IQCJ: variants seen among roughly 807,000 people sequenced by gnomAD.
IQCJ encodes IQ domain-containing protein J.
IQCJ carries 9 observed loss-of-function variants against 11.0 expected under a neutral mutation model. That is an observed-to-expected ratio of 0.82 (90% CI 0.49 to 1.43). The LOEUF is 1.43. Among genes scored for constraint, IQCJ ranks in the 40% most tolerant of loss-of-function variants. The pLI, the probability that IQCJ is intolerant of heterozygous loss-of-function variation, is 0.00. For missense variants in IQCJ, 146 were observed against 133.2 expected (o/e 1.10, Z -0.47); for synonymous variants, 55 against 51.3 (o/e 1.07, Z -0.31).
At chr3:159,144,193 A>G (rs1032228971) in intron 1 of IQCJ, among the ~76,000 whole-genome samples, 7 of 152,200 alleles carry the variant, frequency 4.6e-5, no homozygotes, top group Non-Finnish European at 8.8e-5. Context: ...AGGGAAATTG[A>G]TGTTCTGATA....
intron 1 of IQCJ, among the ~76,000 whole-genome samples, chr3:159,110,727 A>G (rs1200365051): frequency 2.0e-5 from 3 of 152,122 alleles, no homozygotes; most frequent in Non-Finnish European, 4.4e-5. Flanking sequence ...TACTCAATTG[A>G]ATTTCTAACA....
intron 1 of IQCJ, among the ~76,000 whole-genome samples, chr3:159,113,929 C>T (rs6785766): frequency 0.7 from 106,425 of 152,134 alleles, 37,296 homozygotes; most frequent in Admixed American, 0.73. Flanking sequence ...TGCAAATATT[C>T]GAGAACATCA....
rs560747668 is a variant in IQCJ at position 159,119,552 on chromosome 3, A to G, written c.9+50111A>G. 9.2e-5 allele frequency among the ~76,000 whole-genome samples: 14 copies of G among 152,344 alleles called. No homozygotes were observed. The South Asian group carries it at 2.9e-3, about 32-fold the overall frequency. On this transcript the variant is annotated intron_variant, in intron 1 of 3. Transcript: ENST00000397832. ...TGAAGATGTTTACTAGTAAAACATC[A>G]GAAAAAAACATTCCATGAAGTAGTA... is the stretch of plus-strand genomic sequence containing the variant.
chr3:159,161,969 C>T (rs1477125910), intron 1 of IQCJ, among the ~76,000 whole-genome samples: 1 of 152,180 alleles, frequency 6.6e-6, no homozygotes, highest in Non-Finnish European at 1.5e-5. Flanking sequence ...TAGCGTGATG[C>T]CTCCAGCTTT....
At chr3:159,227,903 G>T (rs986192544) in intron 1 of IQCJ, among the ~76,000 whole-genome samples, 7 of 152,180 alleles carry the variant, frequency 4.6e-5, no homozygotes, top group African/African-American at 7.2e-5. Context: ...AAGAGATAGG[G>T]GTAAAGAATG....
At chr3:159,259,429 G>A (rs1728081945) in intron 3 of IQCJ, among the ~76,000 whole-genome samples, 1 of 152,064 alleles carries the variant, frequency 6.6e-6, no homozygotes, top group Admixed American at 6.6e-5. Flanking sequence ...AAAAAAAAAT[G>A]TCAAGGTAGT....
At position 159,262,621 on chromosome 3, in the gene IQCJ, G is replaced by T; in HGVS notation, c.229G>T (p.Val77Phe). The T allele has an allele frequency of 5.6e-6, 9 of 1,613,976 alleles. No individual in the cohort carries two copies. The highest frequency in any genetic ancestry group is 7.6e-6 in the Non-Finnish European group (9 of 1,179,874). The change falls in exon 4 of 4, where the codon GTC becomes TTC. Residue 77 changes from valine (V) to phenylalanine (F), a missense_variant. Transcript: ENST00000397832. The part of the protein sequence containing the change: ...LGKRSPSPPS[V>F]SSEKLSSSVS... ...GAAGAGGAGCCCGTCCCCACCCTCT[G>T]TCTCCTCAGAGAAGCTGAGCAGCTC... is the stretch of plus-strand genomic sequence containing the variant.
chr3:159,265,365 C>T, downstream of IQCJ: 1 of 1,613,528 alleles, frequency 6.2e-7, no homozygotes, highest in Non-Finnish European at 8.5e-7. Context: ...TCTCAAGGAG[C>T]CCCAGATAGA....
intron 1 of IQCJ, among the ~76,000 whole-genome samples, chr3:159,221,763 G>A (rs1725560881): frequency 6.6e-6 from 1 of 151,694 alleles, no homozygotes; most frequent in South Asian, 2.1e-4. Flanking sequence ...TTCCAATATG[G>A]TGGGCTTAAC....
chr3:159,071,574 C>A (rs866622241), intron 1 of IQCJ, among the ~76,000 whole-genome samples: 17 of 152,090 alleles, frequency 1.1e-4, no homozygotes, highest in African/African-American at 4.1e-4. Context: ...TTACAAAATA[C>A]CCTCACTTTA....
intron 1 of IQCJ, among the ~76,000 whole-genome samples, chr3:159,224,744 G>A (rs1040206004): frequency 6.6e-6 from 1 of 151,604 alleles, no homozygotes; most frequent in Non-Finnish European, 1.5e-5. Flanking sequence ...CATACACTCA[G>A]TAAAATCCAG....
intron 1 of IQCJ, among the ~76,000 whole-genome samples, chr3:159,136,871 T>C (rs1720319253): frequency 6.6e-6 from 1 of 152,196 alleles, no homozygotes; most frequent in African/African-American, 2.4e-5. Flanking sequence ...ATTGTTACCT[T>C]CAAAGTATCT....
chr3:159,089,418 G>T (rs1406700764), intron 1 of IQCJ, among the ~76,000 whole-genome samples: 1 of 151,914 alleles, frequency 6.6e-6, no homozygotes, highest in Non-Finnish European at 1.5e-5. Flanking sequence ...TCTTCTCGAG[G>T]AGTATCTTTG....
intron 1 of IQCJ, among the ~76,000 whole-genome samples, chr3:159,111,420 G>T (rs952051672): frequency 1.3e-5 from 2 of 152,118 alleles, no homozygotes; most frequent in Non-Finnish European, 2.9e-5. Context: ...GAAATAATAA[G>T]TTGACCGGTA....
intron 1 of IQCJ, among the ~76,000 whole-genome samples, chr3:159,231,447 C>G (rs2886378): frequency 6.6e-6 from 1 of 152,120 alleles, no homozygotes; most frequent in Non-Finnish European, 1.5e-5. Flanking sequence ...CTTATGAATT[C>G]TTTTATTTCC....
intron 2 of IQCJ, among the ~76,000 whole-genome samples, chr3:159,248,593 T>C (rs1251878315): frequency 6.6e-6 from 1 of 152,188 alleles, no homozygotes; most frequent in Non-Finnish European, 1.5e-5. Flanking sequence ...GGGAGCTTAA[T>C]AAAAATGCCC....
At chr3:159,201,680 G>A (rs1400769764) in intron 1 of IQCJ, among the ~76,000 whole-genome samples, 3 of 130,610 alleles carry the variant, frequency 2.3e-5, no homozygotes, top group Non-Finnish European at 4.6e-5. Context: ...TGTCGCCCAG[G>A]CTGGAGTGCA....
intron 1 of IQCJ, among the ~76,000 whole-genome samples, chr3:159,101,224 G>A (rs926089634): frequency 8.8e-5 from 13 of 147,844 alleles, no homozygotes; most frequent in South Asian, 4.4e-4. Flanking sequence ...GCCCTGCTTC[G>A]GCTCGCGCAC....
In IQCJ at chr3:159,263,606, T is replaced by G; in HGVS notation, c.*875T>G. 1.0e-6 allele frequency: 1 copy of G among 985,082 alleles called. No homozygotes were observed. The highest frequency in any genetic ancestry group is 1.2e-6 in the Non-Finnish European group (1 of 829,590). The allele number at this position is 985,082 out of a possible 1,614,324, so 61.0% of individuals were successfully genotyped here. Reference sequence around the variant, plus strand: ...ACAAGTATATTACTTCCAAAAATTTTTCTTTTACTTTTGGTTATCATGTTT... The same window carrying G: ...ACAAGTATATTACTTCCAAAAATTTGTCTTTTACTTTTGGTTATCATGTTT... On this transcript the variant is annotated 3_prime_UTR_variant, in exon 4 of 4. Transcript: ENST00000397832.
Sources: gnomAD v4.1 joint callset for allele counts (sites outside exome capture counted in the v4.1 genomes callset) on GRCh38, gnomAD v4.1.1 for gene constraint, MANE v1.5 for transcripts, NCBI Gene and HGNC (gene_info 2026-07-23, HGNC 2026-07-21) for gene names.